The following MPHOSPH9 variants were observed in gnomAD, a reference collection of about 807,000 sequenced individuals.
MPHOSPH9 encodes the protein M-phase phosphoprotein 9.
Under a neutral mutation model 145.5 loss-of-function variants are expected in MPHOSPH9, and 88 were observed. That is an observed-to-expected ratio of 0.60 (90% CI 0.51 to 0.72). The LOEUF is 0.72. Ranked by LOEUF, MPHOSPH9 falls within the 30% of genes least tolerant of loss-of-function variation. MPHOSPH9 has a pLI of 0.00. For missense variants in MPHOSPH9, 1,238 were observed against 1,386.6 expected (o/e 0.89, Z 1.70); for synonymous variants, 435 against 486.2 (o/e 0.89, Z 1.39).
intron 23 of MPHOSPH9, chr12:123,160,546 G>A: frequency 2.1e-6 from 1 of 472,812 alleles, no homozygotes; most frequent in Non-Finnish European, 3.7e-6. Context: ...AAAATACAAG[G>A]GCATGAACAC....
At chr12:123,242,579 G>C (rs2047957881) in intron 1 of MPHOSPH9, among the ~76,000 whole-genome samples, 1 of 152,144 alleles carries the variant, frequency 6.6e-6, no homozygotes, top group Admixed American at 6.5e-5. Flanking sequence ...AAAGTGTCTA[G>C]AATTGTCTGA....
At chr12:123,163,207 T>A (rs1309606052) in intron 19 of MPHOSPH9, 73 bp from the exon 20 acceptor site, 1 of 1,391,486 alleles carries the variant, frequency 7.2e-7, no homozygotes, top group South Asian at 1.4e-5. Flanking sequence ...TTATTCAGTA[T>A]TTTTTTTCTA....
In MPHOSPH9 at chr12:123,155,422, G is replaced by T. The variant is rs2043841331; in HGVS notation, c.*1385C>A. 1 of 152,140 alleles carries T rather than the reference G, an allele frequency of 6.6e-6. No homozygotes were observed. The highest frequency in any genetic ancestry group is 1.5e-5 in the Non-Finnish European group (1 of 68,020). 9.4% of individuals were successfully genotyped at this position (152,140 alleles called of 1,614,324 possible). A position where few individuals can be genotyped will look rare whatever the true frequency, so the allele number is the denominator to read the frequency against. ...CCAGCCAGGTGAAGGGTGCTCAAAG[G>T]TCATTTGAGAGCCTGCTTGGAATAA... On this transcript the variant is annotated 3_prime_UTR_variant, in exon 24 of 24. Transcript: ENST00000606320.
At chr12:123,165,500 T>A in intron 17 of MPHOSPH9, 23 bp from the exon 18 acceptor site, 1 of 1,603,118 alleles carries the variant, frequency 6.2e-7, no homozygotes, top group Non-Finnish European at 8.5e-7. Flanking sequence ...TTTTAAGACA[T>A]ACAGTGCTAT....
At chr12:123,241,157 T>A (rs1181640920) in intron 1 of MPHOSPH9, among the ~76,000 whole-genome samples, 1 of 138,764 alleles carries the variant, frequency 7.2e-6, no homozygotes, top group South Asian at 2.4e-4. Context: ...TTTTTGTTTT[T>A]GTTTTTTTTT....
chr12:123,221,385 C>A lies in MPHOSPH9; in HGVS notation c.859G>T (p.Gly287Trp). 1.9e-6 allele frequency: 3 copies of A among 1,588,692 alleles called. No individual in the cohort carries two copies. Among genetic ancestry groups the A allele is most frequent in the Non-Finnish European group, 2.6e-6 (3 of 1,170,562 alleles). The change falls in exon 5 of 24, where the codon GGG (glycine) becomes TGG (tryptophan). Residue 287 changes from glycine to tryptophan, a missense_variant. By Grantham distance (184) the Gly-to-Trp change is radical. Around this residue, in one of 3 missense-constraint regions of MPHOSPH9, gnomAD observed 837 missense variants for 897.5 expected, o/e 0.93. Transcript: ENST00000606320. ...GENKVSEVYS[G>W]KTNSNAITSW... ...AATTCTACTTACCTATTTGTTTTCCCACTGTATACTTCAGAAACCTTATTT... is the reference window on the plus strand; with the variant it reads ...AATTCTACTTACCTATTTGTTTTCCAACTGTATACTTCAGAAACCTTATTT...
chr12:123,185,059 C>T (rs1382631153), intron 13 of MPHOSPH9, among the ~76,000 whole-genome samples: 1 of 152,192 alleles, frequency 6.6e-6, no homozygotes, highest in Non-Finnish European at 1.5e-5. Flanking sequence ...CCGTCTCAGC[C>T]TCCCAAAGCA....
chr12:123,239,432 TTCAC>T (rs1339851972), intron 1 of MPHOSPH9, among the ~76,000 whole-genome samples: 36 of 152,194 alleles, frequency 2.4e-4, no homozygotes, highest in African/African-American at 7.9e-4. Flanking sequence ...GAGACAGAGT[TTCAC>T]TCTGTTGCCA....
intron 4 of MPHOSPH9, 34 bp from the exon 5 acceptor site, chr12:123,221,929 A>G: frequency 8.6e-7 from 1 of 1,161,894 alleles, no homozygotes; most frequent in Middle Eastern, 2.0e-4. Flanking sequence ...TGGGTAAGAA[A>G]GTATATTAAA....
At position 123,159,855 on chromosome 12, in the gene MPHOSPH9, T is replaced by A. The variant is rs1012560004; in HGVS notation, c.3450+926A>T. ...AAAGATATTTCATAACATGAAAAGT[T>A]CAATTGAAAGTTTATTTTTTTTTTT... is the stretch of plus-strand genomic sequence containing the variant. On this transcript the variant is annotated intron_variant, in intron 23 of 23. Transcript: ENST00000606320. This position sits in a 1 kb window ranked among gnomAD's most constrained non-coding sequence, Gnocchi z 4.3. 6 of 152,180 alleles carry A rather than the reference T, an allele frequency of 3.9e-5. No individual in the cohort carries two copies. Among genetic ancestry groups the A allele is most frequent in the African/African-American group, 1.4e-4 (6 of 41,442 alleles). 9.4% of individuals were successfully genotyped at this position (152,180 alleles called of 1,614,324 possible).
At position 123,198,608 on chromosome 12, in the gene MPHOSPH9, A is replaced by C. The variant is rs1790089; in HGVS notation, c.1938-274T>G. Among the ~76,000 whole-genome samples, 565 of 151,690 alleles carry C rather than the reference A, an allele frequency of 3.7e-3. 3 individuals are homozygous for C. The highest frequency in any genetic ancestry group is 5.0e-3 in the Non-Finnish European group (337 of 67,896). ...GCAGATCACTTGAGGCCAGGAGTTC[A>C]AGATCAGCCTGGCCAACATGGTGAA... On this transcript the variant is annotated intron_variant, in intron 11 of 23. Transcript: ENST00000606320.
chr12:123,200,605 C>T (rs373881803), intron 11 of MPHOSPH9, among the ~76,000 whole-genome samples: 3 of 150,532 alleles, frequency 2.0e-5, no homozygotes, highest in East Asian at 3.9e-4. Context: ...TGGCGGGCTT[C>T]TTTCATACTT....
rs777717283 is a variant in MPHOSPH9 at position 123,162,216 on chromosome 12, A to G, written c.3032T>C (p.Phe1011Ser). 50 of 1,474,370 alleles carry G rather than the reference A, an allele frequency of 3.4e-5. No homozygotes were observed. The highest frequency in any genetic ancestry group is 4.5e-5 in the Non-Finnish European group (49 of 1,094,594). 91.3% of individuals were successfully genotyped at this position (1,474,370 alleles called of 1,614,324 possible). A position where few individuals can be genotyped will look rare whatever the true frequency, so the allele number is the denominator to read the frequency against. ...LSKNESSPIR[F>S]DILLDDLDTV... The stretch of plus-strand genomic sequence containing the variant: ...ATCTAAATCATCCAAAAGTATATCA[A>G]ATCTATTGAATGAAGCAAGTTACTT... The change falls in exon 21 of 24, where the codon TTT becomes TCT. Residue 1011 changes from phenylalanine to serine, a missense_variant and splice_region_variant. Transcript: ENST00000606320.
At chr12:123,200,327 A>T (rs1485633485) in intron 11 of MPHOSPH9, among the ~76,000 whole-genome samples, 2 of 151,298 alleles carry the variant, frequency 1.3e-5, no homozygotes, top group Non-Finnish European at 2.9e-5. Flanking sequence ...CATAAGCCAG[A>T]TCAAATCTTT....
At chr12:123,153,272 C>T (rs1454231643), downstream of MPHOSPH9, 1 of 152,160 alleles carries the variant, frequency 6.6e-6, no homozygotes, top group Non-Finnish European at 1.5e-5. Context: ...TGAACTTACA[C>T]GTGACAGGTT....
At position 123,161,258 on chromosome 12, in the gene MPHOSPH9, A is replaced by G. The variant is rs148067791; in HGVS notation, c.3259T>C (p.Tyr1087His). 1.2e-4 allele frequency: 197 copies of G among 1,614,032 alleles called. 1 individual carries two copies. The highest frequency in any genetic ancestry group is 2.5e-4 in the Admixed American group (15 of 59,992). The change falls in exon 22 of 24, where the codon TAC becomes CAC. Residue 1087 changes from tyrosine (Y) to histidine (H), a missense_variant. Physicochemically the swap from Tyr to His is moderately conservative, Grantham distance 83. This residue lies in a region of MPHOSPH9 where 393 missense variants were observed against 462.5 expected (regional missense o/e 0.85). Coordinates refer to ENST00000606320, the MANE Select transcript of MPHOSPH9 (RefSeq NM_022782.4). ...ACTGAAACCGGCTTACACTGTTCGT[A>G]GCTAACTGATTTATTCTTCTCCCAG... ...TAWEKNKSVSYEQCKPVSVTP... is the reference protein window; with the variant it reads ...TAWEKNKSVSHEQCKPVSVTP...
In MPHOSPH9 at chr12:123,189,949, A is replaced by G. The variant is rs566857845; in HGVS notation, c.2241+4437T>C. 9.3e-4 allele frequency among the ~76,000 whole-genome samples: 141 copies of G among 151,988 alleles called. 1 individual carries two copies. Among genetic ancestry groups the G allele is most frequent in the Middle Eastern group, 3.4e-3 (1 of 294 alleles). ...AGACTCCATCTCAAAAAAAAAAACA[A>G]AAACAAAAATAAGTATTGATAGTAT... is the stretch of plus-strand genomic sequence containing the variant. On this transcript the variant is annotated intron_variant, in intron 13 of 23. Transcript: ENST00000606320.
intron 1 of MPHOSPH9, among the ~76,000 whole-genome samples, chr12:123,241,286 C>T (rs2047932750): frequency 6.6e-6 from 1 of 151,852 alleles, no homozygotes; most frequent in Non-Finnish European, 1.5e-5. Context: ...GCCATCACAC[C>T]CAGCATTATT....
chr12:123,187,439 T>A (rs1304939807), intron 13 of MPHOSPH9, among the ~76,000 whole-genome samples: 2 of 152,284 alleles, frequency 1.3e-5, no homozygotes, highest in African/African-American at 4.8e-5. Flanking sequence ...ATTTCAAGTC[T>A]CAGCTGTCTC....
Sources: gnomAD v4.1 joint callset for allele counts (sites outside exome capture counted in the v4.1 genomes callset) on GRCh38, gnomAD v4.1.1 for gene constraint, gnomAD v4.1.1 regional missense constraint, Gnocchi (gnomAD v3.1) non-coding constraint, MANE v1.5 for transcripts, NCBI Gene and HGNC (gene_info 2026-07-23, HGNC 2026-07-21) for gene names.